Variants in FAM107A observed in about 807,000 individuals in gnomAD.
FAM107A encodes the protein actin-associated protein FAM107A.
FAM107A carries 19 observed loss-of-function variants against 13.7 expected under a neutral mutation model. The ratio of observed to expected loss-of-function variants is 1.38; its 90% CI spans 0.97 to 2.03. The LOEUF (loss-of-function observed/expected upper bound fraction) is 2.03. Among genes scored for constraint, FAM107A ranks in the 30% most tolerant of loss-of-function variants. The pLI, the probability that FAM107A is intolerant of heterozygous loss-of-function variation, is 0.00. For missense variants in FAM107A, 203 were observed against 184.4 expected (o/e 1.10, Z -0.58); for synonymous variants, 82 against 74.5 (o/e 1.10, Z -0.52).
intron 1 of FAM107A, among the ~76,000 whole-genome samples, chr3:58,594,057 C>G (rs919595719): frequency 6.6e-6 from 1 of 152,028 alleles, no homozygotes; most frequent in African/African-American, 2.4e-5. Context: ...AAAGACCCAC[C>G]AGAATTCCCT....
Position 58,586,859 on chromosome 3 carries a change from C to CG in FAM107A, c.77dup (p.Ala27GlyfsTer99). Reference sequence around the variant, plus strand: ...GAGGGTGGCGTTGCTCCCACTTACCCGACCGGAGCAGCACAGCCCGGTAGA... The same window carrying CG: ...GAGGGTGGCGTTGCTCCCACTTACCCGGACCGGAGCAGCACAGCCCGGTAGA... On this transcript the variant is annotated frameshift_variant and splice_region_variant, in exon 1 of 4. Transcript: ENST00000447756. LOFTEE classifies it high-confidence loss of function. 1 of 1,529,584 alleles carries CG rather than the reference C, an allele frequency of 6.5e-7. No homozygotes were observed. The highest frequency in any genetic ancestry group is 1.4e-5 in the African/African-American group (1 of 72,510). 94.8% of individuals were successfully genotyped at this position (1,529,584 alleles called of 1,614,324 possible).
chr3:58,605,740 C>T (rs537429559), intron 1 of FAM107A, among the ~76,000 whole-genome samples: 1 of 152,294 alleles, frequency 6.6e-6, no homozygotes, highest in Admixed American at 6.5e-5. Flanking sequence ...TACCCCCTCT[C>T]TATAATCTTG....
intron 1 of FAM107A, among the ~76,000 whole-genome samples, chr3:58,593,527 TAGA>T (rs886778978): frequency 6.6e-6 from 1 of 152,160 alleles, no homozygotes; most frequent in Non-Finnish European, 1.5e-5. Context: ...TTGAAGCGGA[TAGA>T]AGATCTTCAG....
At chr3:58,597,200 G>C (rs931953264) in intron 1 of FAM107A, among the ~76,000 whole-genome samples, 1 of 152,216 alleles carries the variant, frequency 6.6e-6, no homozygotes, top group Non-Finnish European at 1.5e-5. Context: ...GCTCATTTCT[G>C]TTGGGCAGAT....
chr3:58,580,225 T>C (rs536145628), upstream of FAM107A, among the ~76,000 whole-genome samples: 9 of 152,200 alleles, frequency 5.9e-5, no homozygotes, highest in Non-Finnish European at 8.8e-5. Context: ...GGATCTCTTT[T>C]TTTTTTCAAG....
upstream of FAM107A, chr3:58,589,210 G>A: frequency 6.5e-7 from 1 of 1,532,512 alleles, no homozygotes; most frequent in East Asian, 2.4e-5. Context: ...ACTTACCTGA[G>A]CCATTTCGTC....
chr3:58,625,346 C>T (rs2106647637), intron 1 of FAM107A, among the ~76,000 whole-genome samples: 1 of 152,332 alleles, frequency 6.6e-6, no homozygotes, highest in East Asian at 1.9e-4. Context: ...TTTCAACCAA[C>T]TGCCCCTCCC....
At chr3:58,612,499 G>A (rs1488570094) in intron 1 of FAM107A, among the ~76,000 whole-genome samples, 1 of 151,846 alleles carries the variant, frequency 6.6e-6, no homozygotes, top group Non-Finnish European at 1.5e-5. Context: ...AGGATCACTT[G>A]AGCCAGGGAG....
chr3:58,570,377 T>G, intron 1 of FAM107A: 1 of 985,050 alleles, frequency 1.0e-6, no homozygotes. Context: ...CTTTTCATTT[T>G]CTTCACATCA....
intron 1 of FAM107A, among the ~76,000 whole-genome samples, chr3:58,607,468 C>T (rs1393853235): frequency 6.6e-6 from 1 of 152,130 alleles, no homozygotes; most frequent in African/African-American, 2.4e-5. Flanking sequence ...GGTCCTCTAC[C>T]TCTCCAGAGT....
chr3:58,614,734 A>C (rs1278741040), intron 1 of FAM107A, among the ~76,000 whole-genome samples: 1 of 152,056 alleles, frequency 6.6e-6, no homozygotes, highest in Admixed American at 6.6e-5. Flanking sequence ...TGAACTCCTG[A>C]CGTCAAGTGA....
intron 1 of FAM107A, chr3:58,627,214 C>T (rs2066027542): frequency 3.6e-6 from 2 of 563,038 alleles, no homozygotes; most frequent in African/African-American, 1.9e-5. Flanking sequence ...GACAGAGGGG[C>T]CAGTGTCCCC....
chr3:58,597,825 T>TA (rs746900298), intron 1 of FAM107A, among the ~76,000 whole-genome samples: 3 of 151,820 alleles, frequency 2.0e-5, no homozygotes, highest in South Asian at 2.1e-4. Context: ...TGGATGGAAA[T>TA]AAAAAAATAA....
At chr3:58,599,696 ATTTTT>A (rs57244654) in intron 1 of FAM107A, among the ~76,000 whole-genome samples, 12 of 78,588 alleles carry the variant, frequency 1.5e-4, no homozygotes, top group Non-Finnish European at 2.1e-4. Flanking sequence ...CAAGTGCACC[ATTTTT>A]TTTTTTTTTT....
rs75512295 is a variant in FAM107A at position 58,577,090 on chromosome 3, C to T, written c.-6+219G>A. The stretch of plus-strand genomic sequence containing the variant: ...ATGCAGGGCTATGCCAGGGGGCTCG[C>T]TTCTTTGTCTCCTACCCTTTTCCGA... On this transcript the variant is annotated intron_variant, in intron 1 of 3. Coordinates refer to ENST00000360997, the MANE Select transcript of FAM107A (RefSeq NM_001076778.3). The surrounding 1 kb of genome is among the most constrained non-coding windows in gnomAD (Gnocchi z 4.9). Among the ~76,000 whole-genome samples the T allele has an allele frequency of 1.0e-3, 153 of 152,346 alleles. 4 individuals carry two copies. The East Asian group carries it at 0.027, about 27-fold the overall frequency.
intron 1 of FAM107A, among the ~76,000 whole-genome samples, chr3:58,616,526 A>AACACACACACACACACACAC (rs59230021): frequency 7.3e-6 from 1 of 137,776 alleles, no homozygotes; most frequent in Non-Finnish European, 1.6e-5. Context: ...ATAAGAGGAG[A>AACACACACACACACACACAC]ACACACACAC....
chr3:58,624,094 A>G (rs546682118), intron 1 of FAM107A, among the ~76,000 whole-genome samples: 1 of 152,248 alleles, frequency 6.6e-6, no homozygotes, highest in South Asian at 2.1e-4. Context: ...TCTTGAACCC[A>G]CTGCTGCCGC....
At chr3:58,595,788 A>T (rs1575449801) in intron 1 of FAM107A, among the ~76,000 whole-genome samples, 1 of 152,198 alleles carries the variant, frequency 6.6e-6, no homozygotes, top group East Asian at 1.9e-4. Flanking sequence ...GCCAACCTGT[A>T]TCCAGTGGAA....
rs754770704 is a variant in FAM107A at position 58,569,809 on chromosome 3, G to A, written c.52C>T (p.Arg18Trp). ...ERADIGGLMARPEYREWNPEL... is the reference protein window; with the variant it reads ...ERADIGGLMAWPEYREWNPEL... ...GGATTCCACTCTCTGTATTCTGGCC[G>A]GGCCATCAGGCCCCCAATGTCTGCC... is the stretch of plus-strand genomic sequence containing the variant. The change falls in exon 2 of 4, where the codon CGG (arginine) becomes TGG (tryptophan). Residue 18 changes from arginine to tryptophan, a missense_variant. Physicochemically the swap from Arg to Trp is moderately radical, Grantham distance 101. Transcript: ENST00000360997. This position sits in a 1 kb window ranked among gnomAD's most constrained non-coding sequence, Gnocchi z 5.7. 3.7e-5 allele frequency: 59 copies of A among 1,613,952 alleles called. No individual in the cohort carries two copies. The highest frequency in any genetic ancestry group is 1.0e-4 in the Admixed American group (6 of 59,990).
Sources: allele counts gnomAD v4.1 joint callset (sites outside exome capture counted in the v4.1 genomes callset), GRCh38; gene constraint gnomAD v4.1.1; non-coding constraint Gnocchi (gnomAD v3.1); transcripts MANE v1.5; gene names NCBI Gene and HGNC (gene_info 2026-07-23, HGNC 2026-07-21).